PYGB: variants seen among roughly 807,000 people sequenced by gnomAD.
The protein encoded by PYGB is glycogen phosphorylase, brain form.
Under a neutral mutation model 94.3 loss-of-function variants are expected in PYGB, and 82 were observed. That is an observed-to-expected ratio of 0.87 (90% CI 0.73 to 1.04). The LOEUF (loss-of-function observed/expected upper bound fraction) is 1.04. Ranked by LOEUF, PYGB falls within the 50% of genes least tolerant of loss-of-function variation. The pLI, the probability that PYGB is intolerant of heterozygous loss-of-function variation, is 0.00. For missense variants in PYGB, 1,132 were observed against 1,158.2 expected (o/e 0.98, Z 0.33); for synonymous variants, 488 against 479.1 (o/e 1.02, Z -0.24).
chr20:25,288,043 G>C (rs747575272), intron 14 of PYGB, among the ~76,000 whole-genome samples: 12 of 152,206 alleles, frequency 7.9e-5, no homozygotes, highest in African/African-American at 1.7e-4. Context: ...TTGAACACTG[G>C]TGACCAGACC....
intron 1 of PYGB, among the ~76,000 whole-genome samples, chr20:25,257,869 G>T (rs189096560): frequency 1.3e-5 from 2 of 152,154 alleles, no homozygotes; most frequent in African/African-American, 2.4e-5. Context: ...TCTGCCAGAG[G>T]GGGGAGGCAG....
intron 4 of PYGB, among the ~76,000 whole-genome samples, chr20:25,272,829 A>C (rs2088278771): frequency 6.6e-6 from 1 of 152,082 alleles, no homozygotes; most frequent in African/African-American, 2.4e-5. Flanking sequence ...AGCAGTCCCC[A>C]TGTCACGTGT....
intron 1 of PYGB, among the ~76,000 whole-genome samples, chr20:25,250,841 A>G (rs1198191721): frequency 6.6e-6 from 1 of 152,142 alleles, no homozygotes; most frequent in Non-Finnish European, 1.5e-5. Context: ...TTATTACTGG[A>G]GGAAAAATTA....
At chr20:25,266,467 A>G (rs1439032062) in intron 2 of PYGB, among the ~76,000 whole-genome samples, 1 of 152,178 alleles carries the variant, frequency 6.6e-6, no homozygotes, top group African/African-American at 2.4e-5. Flanking sequence ...ATAGGGATCA[A>G]TCTTCATGAC....
chr20:25,281,166 C>T (rs2123573926), intron 11 of PYGB, 54 bp downstream of exon 11: 5 of 1,590,266 alleles, frequency 3.1e-6, no homozygotes, highest in South Asian at 2.3e-5. Flanking sequence ...CCCAGGCCTG[C>T]GTCTAGGACC....
chr20:25,293,972 C>G, intron 17 of PYGB, 186 bp from the exon 18 acceptor site: 1 of 669,222 alleles, frequency 1.5e-6, no homozygotes, highest in Non-Finnish European at 2.5e-6. Context: ...CATCTCTGCT[C>G]GAGCAGGTCC....
intron 1 of PYGB, among the ~76,000 whole-genome samples, chr20:25,252,364 G>C (rs1313090727): frequency 6.6e-6 from 1 of 152,218 alleles, no homozygotes; most frequent in South Asian, 2.1e-4. Context: ...GTCCCTCTGG[G>C]GGGGTCGGGG....
intron 15 of PYGB, among the ~76,000 whole-genome samples, chr20:25,289,350 T>C (rs1374722163): frequency 3.9e-5 from 6 of 152,348 alleles, no homozygotes; most frequent in Admixed American, 2.6e-4. Flanking sequence ...TTAAATGTTA[T>C]TATGAAAATT....
intron 16 of PYGB, among the ~76,000 whole-genome samples, chr20:25,291,716 C>G (rs1006088316): frequency 6.6e-6 from 1 of 152,082 alleles, no homozygotes; most frequent in Non-Finnish European, 1.5e-5. Flanking sequence ...CTGACTCCTG[C>G]TCATCTTTAG....
intron 1 of PYGB, among the ~76,000 whole-genome samples, chr20:25,257,119 C>A (rs549796241): frequency 6.8e-4 from 103 of 152,324 alleles, no homozygotes; most frequent in Non-Finnish European, 1.2e-3. Flanking sequence ...CTCCAGCAAG[C>A]CTCTTTTCAG....
intron 6 of PYGB, 144 bp from the exon 7 acceptor site, chr20:25,277,100 T>TGGGGGTGA: frequency 1.5e-6 from 1 of 663,734 alleles, no homozygotes; most frequent in Non-Finnish European, 2.7e-6. Context: ...CCTCCAGGGA[T>TGGGGGTGA]GGGGGTGAGG....
rs557944494 is a variant in PYGB, at chr20:25,281,889, G to A, written c.1404-144G>A. The A allele has an allele frequency of 7.5e-5, 51 of 677,394 alleles. No homozygotes were observed. The South Asian group carries it at 8.2e-4, about 11-fold the overall frequency. The allele number at this position is 677,394 out of a possible 1,614,324, so 42.0% of individuals were successfully genotyped here. ...GGCTCCCAGAGCCTGCAGCTGCCGC[G>A]GTCACTCTGTTCTCCTTAGAAAACA... On this transcript the variant is annotated intron_variant, in intron 11 of 19. Transcript: ENST00000216962.
At chr20:25,278,485 A>G (rs754656073) in intron 8 of PYGB, 23 bp downstream of exon 8, 1 of 1,612,400 alleles carries the variant, frequency 6.2e-7, no homozygotes, top group South Asian at 1.1e-5. Flanking sequence ...CCTGGGAGGG[A>G]TCTCAGTGCC....
At chr20:25,271,218 C>T (rs1317539984) in intron 3 of PYGB, among the ~76,000 whole-genome samples, 165 bp from the exon 4 acceptor site, 2 of 152,068 alleles carry the variant, frequency 1.3e-5, no homozygotes, top group Non-Finnish European at 2.9e-5. Context: ...TGCCTGTGGC[C>T]CCAGGCTCTC....
At chr20:25,290,292 C>T (rs1412219243) in intron 15 of PYGB, among the ~76,000 whole-genome samples, 189 bp from the exon 16 acceptor site, 1 of 152,194 alleles carries the variant, frequency 6.6e-6, no homozygotes, top group East Asian at 1.9e-4. Flanking sequence ...GAGGTGGCCA[C>T]CATCGTGAGT....
At chr20:25,278,170 G>A (rs1173675143) in intron 7 of PYGB, 149 bp from the exon 8 acceptor site, 2 of 869,006 alleles carry the variant, frequency 2.3e-6, no homozygotes, top group African/African-American at 3.6e-5. Flanking sequence ...AGTGACCTGA[G>A]GGCACACAGG....
intron 11 of PYGB, among the ~76,000 whole-genome samples, 181 bp downstream of exon 11, chr20:25,281,293 C>G (rs1383483664): frequency 6.6e-6 from 1 of 152,228 alleles, no homozygotes; most frequent in Non-Finnish European, 1.5e-5. Context: ...CCTTGTTGTG[C>G]GTTCACCGAC....
Position 25,248,390 on chromosome 20 carries a change from C to A in PYGB, c.212C>A (p.Thr71Lys). 1 of 1,581,730 alleles carries A rather than the reference C, an allele frequency of 6.3e-7. No individual in the cohort carries two copies. The highest frequency in any genetic ancestry group is 8.6e-7 in the Non-Finnish European group (1 of 1,165,448). ...CACCTCGTGGGCCGCTGGATCCGCA[C>A]GCAGCAGCACTACTACGAGCGCGAC... ...RDHLVGRWIR[T>K]QQHYYERDPK... is the part of the protein sequence containing the mutation. The change falls in exon 1 of 20, where the codon ACG becomes AAG. Residue 71 changes from threonine to lysine, a missense_variant. Coordinates refer to ENST00000216962, the MANE Select transcript of PYGB (RefSeq NM_002862.4).
At chr20:25,285,867 C>T (rs2088413705) in intron 14 of PYGB, among the ~76,000 whole-genome samples, 1 of 152,128 alleles carries the variant, frequency 6.6e-6, no homozygotes, top group Non-Finnish European at 1.5e-5. Flanking sequence ...GCTGCCCAGC[C>T]CTGCTGGCCA....
Sources: gnomAD v4.1 joint callset for allele counts (sites outside exome capture counted in the v4.1 genomes callset) on GRCh38, gnomAD v4.1.1 for gene constraint, MANE v1.5 for transcripts, NCBI Gene and HGNC (gene_info 2026-07-23, HGNC 2026-07-21) for gene names.